CCDC73: variants seen among roughly 807,000 people sequenced by gnomAD.
CCDC73 encodes coiled-coil domain containing 73, also known as coiled-coil domain-containing protein 73.
Under a neutral mutation model 116.5 loss-of-function variants are expected in CCDC73, and 95 were observed. That is an observed-to-expected ratio of 0.82 (90% CI 0.69 to 0.97). CCDC73 has a LOEUF of 0.97. Ranked by LOEUF, CCDC73 falls within the 50% of genes least tolerant of loss-of-function variation. CCDC73 has a pLI of 0.00. For synonymous variants in CCDC73, 398 were observed against 401.3 expected (o/e 0.99, Z 0.10); for missense variants, 1,066 against 1,206.8 (o/e 0.88, Z 1.73).
rs543831421 is a variant in CCDC73, at chr11:32,613,277, G to A, written c.2896+145C>T. 3.0e-5 allele frequency: 21 copies of A among 706,124 alleles called. No individual in the cohort carries two copies. The African/African-American group carries it at 3.2e-4, about 11-fold the overall frequency. 43.7% of individuals were successfully genotyped at this position (706,124 alleles called of 1,614,324 possible). On this transcript the variant is annotated intron_variant, in intron 16 of 17. Transcript: ENST00000335185. Reference sequence around the variant, plus strand: ...CTACTTCACTGTATTTGCTCTAAAAGTTAAAAACAAAAGAATATTAAGTTG... The same window carrying A: ...CTACTTCACTGTATTTGCTCTAAAAATTAAAAACAAAAGAATATTAAGTTG...
At chr11:32,716,314 G>A (rs1413568019) in intron 3 of CCDC73, among the ~76,000 whole-genome samples, 4 of 152,034 alleles carry the variant, frequency 2.6e-5, no homozygotes, top group Non-Finnish European at 4.4e-5. Flanking sequence ...AAAGGCCACC[G>A]TTAACATTCA....
At chr11:32,658,327 G>A (rs1410896921) in intron 9 of CCDC73, among the ~76,000 whole-genome samples, 1 of 152,156 alleles carries the variant, frequency 6.6e-6, no homozygotes, top group Non-Finnish European at 1.5e-5. Flanking sequence ...TTTAGTACAA[G>A]TACATTGAGA....
intron 6 of CCDC73, among the ~76,000 whole-genome samples, 189 bp from the exon 7 acceptor site, chr11:32,683,763 G>A (rs1420236555): frequency 6.6e-6 from 1 of 152,116 alleles, no homozygotes; most frequent in Non-Finnish European, 1.5e-5. Flanking sequence ...ATATAGCAGT[G>A]AACAAAACAA....
chr11:32,739,614 C>G (rs925013778), intron 2 of CCDC73, among the ~76,000 whole-genome samples: 5 of 152,020 alleles, frequency 3.3e-5, no homozygotes, highest in Non-Finnish European at 7.4e-5. Context: ...TTAGGTTTTT[C>G]CAAATAGAAG....
chr11:32,777,190 C>T (rs1850545460), intron 1 of CCDC73, among the ~76,000 whole-genome samples: 1 of 149,168 alleles, frequency 6.7e-6, no homozygotes, highest in Non-Finnish European at 1.5e-5. Flanking sequence ...ACTGCAACCT[C>T]CACCTCCTGT....
At position 32,641,990 on chromosome 11, in the gene CCDC73, T is replaced by C. The variant is rs760318783; in HGVS notation, c.1032A>G (p.Leu344=). ...LNLQNEHEKA[L]GTWKRHAEEL... ...AACTTACATGTCTTTTCCAAGTTCC[T>C]AGTGCTTTTTCATGCTCATTTTGAA... is the stretch of plus-strand genomic sequence containing the variant. Residue 344 remains leucine, a synonymous_variant, in exon 13 of 18, where the codon CTA becomes CTG. Transcript: ENST00000335185. 9 of 1,536,696 alleles carry C rather than the reference T, an allele frequency of 5.9e-6. No homozygotes were observed. Among genetic ancestry groups the C allele is most frequent in the South Asian group, 2.7e-5 (2 of 74,544 alleles).
At chr11:32,710,157 C>T (rs1375762526) in intron 3 of CCDC73, among the ~76,000 whole-genome samples, 1 of 151,946 alleles carries the variant, frequency 6.6e-6, no homozygotes, top group Non-Finnish European at 1.5e-5. Context: ...TTTTGTTTAT[C>T]TTTTGTATTG....
chr11:32,809,228 G>A, the CCDC73 span, among the ~76,000 whole-genome samples: 1 of 152,214 alleles, frequency 6.6e-6, no homozygotes, highest in African/African-American at 2.4e-5. Context: ...GTGTTCTTGT[G>A]TGCAAGCAAC....
At chr11:32,755,148 A>G (rs988819836) in intron 2 of CCDC73, among the ~76,000 whole-genome samples, 2 of 148,216 alleles carry the variant, frequency 1.3e-5, no homozygotes, top group African/African-American at 5.0e-5. Context: ...AGCCTCCCAA[A>G]GTGCTGGGAT....
chr11:32,716,261 T>C (rs1353155781), intron 3 of CCDC73, among the ~76,000 whole-genome samples: 1 of 152,208 alleles, frequency 6.6e-6, no homozygotes. Flanking sequence ...GGAATCCAGC[T>C]CTAATACCAT....
At position 32,653,165 on chromosome 11, in the gene CCDC73, A is replaced by G; in HGVS notation, c.897T>C (p.Thr299=). 1 of 1,611,890 alleles carries G rather than the reference A, an allele frequency of 6.2e-7. No homozygotes were observed. Among genetic ancestry groups the G allele is most frequent in the Non-Finnish European group, 8.5e-7 (1 of 1,179,058 alleles). Residue 299 remains threonine (T), a synonymous_variant, in exon 12 of 18, where the codon ACT becomes ACC. Coordinates refer to ENST00000335185, the MANE Select transcript of CCDC73 (RefSeq NM_001008391.4). ...GCACCTTCAATTCTGCCTCCATTTC[A>G]GTATTAGCTTGAATTTGTTGCCGAA... ...QLLRQQIQAN[T]EMEAELKVLK...
chr11:32,738,363 T>G (rs1850154393), intron 2 of CCDC73, among the ~76,000 whole-genome samples: 1 of 152,188 alleles, frequency 6.6e-6, no homozygotes, highest in Non-Finnish European at 1.5e-5. Context: ...TCAACAACAT[T>G]TGTTATTGCC....
chr11:32,785,404 T>C, intron 1 of CCDC73, among the ~76,000 whole-genome samples: 1 of 152,028 alleles, frequency 6.6e-6, no homozygotes, highest in Non-Finnish European at 1.5e-5. Flanking sequence ...CTTTTATTTT[T>C]TGTTTTTGTT....
At chr11:32,660,251 A>AC (rs1370162015) in intron 9 of CCDC73, among the ~76,000 whole-genome samples, 2 of 150,578 alleles carry the variant, frequency 1.3e-5, no homozygotes, top group East Asian at 3.9e-4. Flanking sequence ...AAAAAAAAAA[A>AC]AAAACAGGTT....
chr11:32,772,243 C>T (rs945685096), intron 1 of CCDC73, among the ~76,000 whole-genome samples: 2 of 151,992 alleles, frequency 1.3e-5, no homozygotes, highest in African/African-American at 4.8e-5. Context: ...AGTTCCTTTT[C>T]TCCCATTTGG....
At chr11:32,634,200 C>T (rs1013376818) in intron 14 of CCDC73, among the ~76,000 whole-genome samples, 17 of 151,988 alleles carry the variant, frequency 1.1e-4, no homozygotes, top group African/African-American at 3.9e-4. Context: ...ACGCAAAAAC[C>T]AGTTCAAATA....
chr11:32,726,372 T>C (rs1440523103), intron 2 of CCDC73, among the ~76,000 whole-genome samples: 1 of 152,068 alleles, frequency 6.6e-6, no homozygotes, highest in Admixed American at 6.6e-5. Flanking sequence ...ACAAACCATA[T>C]GGAAATATTA....
intron 1 of CCDC73, among the ~76,000 whole-genome samples, chr11:32,778,554 G>A (rs898751031): frequency 2.0e-5 from 3 of 152,246 alleles, no homozygotes; most frequent in African/African-American, 4.8e-5. Context: ...GCTTACACCT[G>A]TAATCCCAGC....
intron 2 of CCDC73, among the ~76,000 whole-genome samples, chr11:32,731,689 T>A (rs2133345805): frequency 1.3e-5 from 2 of 152,282 alleles, no homozygotes; most frequent in South Asian, 4.1e-4. Flanking sequence ...CCAACAGACC[T>A]GCAGCTGAGG....
Sources: gnomAD v4.1 joint callset for allele counts (sites outside exome capture counted in the v4.1 genomes callset) on GRCh38, gnomAD v4.1.1 for gene constraint, MANE v1.5 for transcripts, NCBI Gene and HGNC (gene_info 2026-07-23, HGNC 2026-07-21) for gene names.